UBE2U: variants seen among roughly 807,000 people sequenced by gnomAD.
UBE2U encodes the protein ubiquitin conjugating enzyme E2 U, also known as ubiquitin-conjugating enzyme E2 U.
Under a neutral mutation model 41.2 loss-of-function variants are expected in UBE2U, and 39 were observed. That is an observed-to-expected ratio of 0.95 (90% CI 0.73 to 1.24). The LOEUF (loss-of-function observed/expected upper bound fraction) is 1.24. UBE2U is among the 50% of genes most tolerant of loss of function. The pLI is 0.00. For missense variants in UBE2U, 336 were observed against 363.1 expected (o/e 0.93, Z 0.61); for synonymous variants, 107 against 117.8 (o/e 0.91, Z 0.60).
intron 2 of UBE2U, 52 bp from the exon 3 acceptor site, chr1:64,206,712 G>A: frequency 1.8e-6 from 2 of 1,120,378 alleles, no homozygotes; most frequent in Non-Finnish European, 2.6e-6. Flanking sequence ...TCAGGTTACA[G>A]TTAATCAATA....
chr1:64,208,203 T>A (rs1448311146), intron 3 of UBE2U, among the ~76,000 whole-genome samples: 1 of 152,190 alleles, frequency 6.6e-6, no homozygotes, highest in Non-Finnish European at 1.5e-5. Flanking sequence ...AGTGTGACAG[T>A]TTCTAATCAG....
At chr1:64,227,348 A>T (rs1231112968) in intron 6 of UBE2U, among the ~76,000 whole-genome samples, 1 of 152,238 alleles carries the variant, frequency 6.6e-6, no homozygotes, top group Non-Finnish European at 1.5e-5. Context: ...TTCATAGATA[A>T]CATGATTATG....
chr1:64,205,051 A>G (rs1377318246), intron 1 of UBE2U, among the ~76,000 whole-genome samples: 3 of 152,220 alleles, frequency 2.0e-5, no homozygotes, highest in African/African-American at 7.2e-5. Context: ...GCACTAACAT[A>G]CTTAATAACT....
intron 9 of UBE2U, among the ~76,000 whole-genome samples, chr1:64,262,846 A>G (rs1414678046): frequency 3.3e-5 from 5 of 152,148 alleles, no homozygotes; most frequent in Non-Finnish European, 5.9e-5. Context: ...TCCGGCACAC[A>G]TGCTGTGTTA....
chr1:64,249,094 C>T (rs915436912), intron 8 of UBE2U, among the ~76,000 whole-genome samples: 1 of 152,056 alleles, frequency 6.6e-6, no homozygotes, highest in African/African-American at 2.4e-5. Flanking sequence ...ACCAGTCAGC[C>T]AGGCGCGGTG....
At chr1:64,208,301 G>A (rs1432742397) in intron 3 of UBE2U, among the ~76,000 whole-genome samples, 2 of 152,052 alleles carry the variant, frequency 1.3e-5, no homozygotes, top group Non-Finnish European at 2.9e-5. Flanking sequence ...GCAAGAGTGT[G>A]TTATATTTAA....
At chr1:64,209,492 G>A (rs1187808387) in intron 3 of UBE2U, among the ~76,000 whole-genome samples, 4 of 152,308 alleles carry the variant, frequency 2.6e-5, no homozygotes, top group Admixed American at 2.6e-4. Flanking sequence ...CGGTTTGGGA[G>A]TTAAGTTTAA....
At chr1:64,207,958 G>C (rs1235889020) in intron 3 of UBE2U, among the ~76,000 whole-genome samples, 6 of 151,896 alleles carry the variant, frequency 4.0e-5, no homozygotes, top group African/African-American at 1.4e-4. Context: ...AATATAAAAA[G>C]AACATAAAGC....
At chr1:64,261,465 CACTAA>C (rs749495100) in intron 9 of UBE2U, among the ~76,000 whole-genome samples, 1 of 152,148 alleles carries the variant, frequency 6.6e-6, no homozygotes, top group African/African-American at 2.4e-5. Flanking sequence ...GTCACCTGGC[CACTAA>C]ACATAACAGC....
At chr1:64,252,740 C>T (rs995010491) in intron 8 of UBE2U, among the ~76,000 whole-genome samples, 2 of 152,098 alleles carry the variant, frequency 1.3e-5, no homozygotes, top group Non-Finnish European at 2.9e-5. Flanking sequence ...AAAGACCCCA[C>T]AAAAACCTCA....
At chr1:64,250,447 C>T (rs986073085) in intron 8 of UBE2U, among the ~76,000 whole-genome samples, 1 of 152,112 alleles carries the variant, frequency 6.6e-6, no homozygotes, top group South Asian at 2.1e-4. Context: ...AAGAAGGAAA[C>T]ACTTCCCAGC....
chr1:64,215,039 C>G, intron 5 of UBE2U, 107 bp downstream of exon 5: 1 of 752,372 alleles, frequency 1.3e-6, no homozygotes, highest in Non-Finnish European at 2.3e-6. Context: ...TCGAGACCAG[C>G]CTGACCAACA....
chr1:64,204,365 GAAT>G (rs1395917428), intron 1 of UBE2U, among the ~76,000 whole-genome samples: 11 of 152,142 alleles, frequency 7.2e-5, no homozygotes, highest in Non-Finnish European at 1.5e-4. Context: ...TCTAGGCACT[GAAT>G]ATCAGGGTCT....
At chr1:64,241,332 T>C (rs1479183293) in intron 7 of UBE2U, among the ~76,000 whole-genome samples, 1 of 152,220 alleles carries the variant, frequency 6.6e-6, no homozygotes, top group Non-Finnish European at 1.5e-5. Context: ...GGTCTGTTAA[T>C]GCCTAAGGTA....
intron 4 of UBE2U, 108 bp downstream of exon 4, chr1:64,210,947 T>G (rs1371186997): frequency 3.5e-5 from 25 of 709,566 alleles, no homozygotes; most frequent in Non-Finnish European, 5.2e-5. Context: ...TTAAAGAATT[T>G]GAGAAGTTTA....
chr1:64,214,836 C>G lies in UBE2U; in HGVS notation c.361C>G (p.Leu121Val), dbSNP rs371520440. ...ATAGGTTATGCTTTCTAATCCAGTGCTAGAGAATCCAGTGAATTTGGAAGC... is the reference window on the plus strand; with the variant it reads ...ATAGGTTATGCTTTCTAATCCAGTGGTAGAGAATCCAGTGAATTTGGAAGC... ...ALQVMLSNPV[L>V]ENPVNLEAAR... is the part of the protein sequence containing the mutation. Residue 121 changes from leucine to valine, a missense_variant, in exon 5 of 10, where the codon CTA (leucine) becomes GTA (valine). Leu to Val is a conservative substitution (Grantham distance 32). Transcript: ENST00000371077. 25 of 1,613,982 alleles carry G rather than the reference C, an allele frequency of 1.5e-5. No homozygotes were observed. In the African/African-American group the frequency reaches 3.1e-4, roughly 20 times the overall value.
intron 2 of UBE2U, 31 bp from the exon 3 acceptor site, chr1:64,206,732 CT>C: frequency 7.6e-7 from 1 of 1,308,316 alleles, no homozygotes; most frequent in Non-Finnish European, 1.1e-6. Flanking sequence ...AAACATGACA[CT>C]TTAGTAAAAA....
chr1:64,226,738 T>TAA (rs11311272), intron 6 of UBE2U, among the ~76,000 whole-genome samples: 3 of 148,168 alleles, frequency 2.0e-5, no homozygotes, highest in Non-Finnish European at 3.0e-5. Flanking sequence ...AAATAAAACT[T>TAA]AAAAAAAAAA....
intron 5 of UBE2U, among the ~76,000 whole-genome samples, chr1:64,215,919 T>A (rs1429004261): frequency 1.3e-5 from 2 of 152,216 alleles, no homozygotes; most frequent in Admixed American, 1.3e-4. Context: ...ACTGACATAG[T>A]TATTTCCTTT....
Sources: allele counts gnomAD v4.1 joint callset (sites outside exome capture counted in the v4.1 genomes callset), GRCh38; gene constraint gnomAD v4.1.1; transcripts MANE v1.5; gene names NCBI Gene and HGNC (gene_info 2026-07-23, HGNC 2026-07-21).